Variants in DSCAML1 observed in about 807,000 individuals in gnomAD.
DSCAML1 encodes the protein cell adhesion molecule DSCAML1.
In DSCAML1, 38 loss-of-function variants were observed where a neutral mutation model predicts 200.5. The ratio of observed to expected loss-of-function variants is 0.19; its 90% CI spans 0.15 to 0.25. The LOEUF (loss-of-function observed/expected upper bound fraction) is 0.25, where lower values mean the gene tolerates loss of function less well. DSCAML1 is among the 10% of genes least tolerant of loss of function. The pLI is 1.00. For missense variants in DSCAML1, 2,223 were observed against 2,858.8 expected (o/e 0.78, Z 5.07); for synonymous variants, 1,215 against 1,165.0 (o/e 1.04, Z -0.87).
In DSCAML1 at chr11:117,504,742, C is replaced by A. The variant is rs2049460145; in HGVS notation, c.2182+182G>T. ...TGATGGCTGTTCCTGGTCCACAGAC[C>A]CCCGGGGGTGGCTGAGGATGACTCC... On this transcript the variant is annotated intron_variant, in intron 10 of 32. Transcript: ENST00000651296. The surrounding 1 kb of genome is among the most constrained non-coding windows in gnomAD (Gnocchi z 5.0). 6.6e-6 allele frequency among the ~76,000 whole-genome samples: 1 copy of A among 151,978 alleles called. No individual in the cohort carries two copies. Among genetic ancestry groups the A allele is most frequent in the South Asian group, 2.1e-4 (1 of 4,826 alleles).
intron 19 of DSCAML1, among the ~76,000 whole-genome samples, chr11:117,452,739 T>G (rs2048304556): frequency 6.6e-6 from 1 of 152,204 alleles, no homozygotes; most frequent in Non-Finnish European, 1.5e-5. Context: ...TATTCTATTT[T>G]CCTCCCTCTA....
chr11:117,507,050 C>A (rs1419707035), intron 8 of DSCAML1, among the ~76,000 whole-genome samples: 1 of 152,064 alleles, frequency 6.6e-6, no homozygotes, highest in Non-Finnish European at 1.5e-5. Flanking sequence ...CTGTCTGGAG[C>A]CTGAGTCGAT....
At chr11:117,726,271 GTGTGTGTGTGTGTGTGTGTGTA>G in intron 3 of DSCAML1, among the ~76,000 whole-genome samples, 1 of 151,446 alleles carries the variant, frequency 6.6e-6, no homozygotes, top group Non-Finnish European at 1.5e-5. Flanking sequence ...GTGTGCGTGT[GTGTGTGTGTGTGTGTGTGTGTA>G]TGTGACTGGA....
rs1241980504 is a variant in DSCAML1 at position 117,569,431 on chromosome 11, TATTTCATA to T, written c.512-36917_512-36910del. On this transcript the variant is annotated intron_variant, in intron 3 of 32. Coordinates refer to ENST00000651296, the MANE Select transcript of DSCAML1 (RefSeq NM_020693.4). ...TGTTTTTGTAGAGATGGGATTTTTG[TATTTCATA>T]GAGATGGGATTTTTGTATTTTGTGT... Among the ~76,000 whole-genome samples, 10 of 152,334 alleles carry T rather than the reference TATTTCATA, an allele frequency of 6.6e-5. No homozygotes were observed. In the South Asian group the frequency reaches 1.9e-3, roughly 28 times the overall value.
intron 3 of DSCAML1, among the ~76,000 whole-genome samples, chr11:117,559,808 G>A (rs2050627658): frequency 6.6e-6 from 1 of 152,130 alleles, no homozygotes; most frequent in African/African-American, 2.4e-5. Context: ...CCTCGCCCAG[G>A]GCACGGAAGC....
At chr11:117,805,884 G>A (rs1454528393) in intron 1 of DSCAML1, among the ~76,000 whole-genome samples, 1 of 152,222 alleles carries the variant, frequency 6.6e-6, no homozygotes, top group East Asian at 1.9e-4. Flanking sequence ...GCAGGTCAGA[G>A]TGTGAAGGGA....
chr11:117,808,566 G>C (rs80232844), intron 1 of DSCAML1, among the ~76,000 whole-genome samples: 1 of 152,186 alleles, frequency 6.6e-6, no homozygotes, highest in East Asian at 1.9e-4. Flanking sequence ...TGTATTTTCT[G>C]TTTCCCAGTA....
intron 3 of DSCAML1, among the ~76,000 whole-genome samples, chr11:117,633,298 C>T (rs1232054320): frequency 6.6e-6 from 1 of 152,200 alleles, no homozygotes. Flanking sequence ...CTCGCCACAC[C>T]TTGGCCAGCC....
intron 3 of DSCAML1, among the ~76,000 whole-genome samples, chr11:117,615,339 T>C (rs2051790640): frequency 6.6e-6 from 1 of 152,222 alleles, no homozygotes; most frequent in South Asian, 2.1e-4. Context: ...CTCTATCACA[T>C]CCTGAGGTCC....
chr11:117,486,653 C>A (rs1291817944), intron 11 of DSCAML1, among the ~76,000 whole-genome samples: 9 of 152,154 alleles, frequency 5.9e-5, no homozygotes, highest in Admixed American at 5.9e-4. Flanking sequence ...GTCTGTTACT[C>A]CTACAAGTTC....
chr11:117,650,700 T>TGTGCGC lies in DSCAML1; in HGVS notation c.512-118179_512-118178insGCGCAC, dbSNP rs147584706. On this transcript the variant is annotated intron_variant, in intron 3 of 32. Transcript: ENST00000651296. ...GTGTGTGTGTGTGTGTGTGTGTGTG[T>TGTGCGC]GCGTGTGTGTGTGTGGTGGGGATTG... Among the ~76,000 whole-genome samples the TGTGCGC allele has an allele frequency of 8.7e-3, 1,288 of 147,384 alleles. 15 individuals are homozygous for TGTGCGC. The highest frequency in any genetic ancestry group is 0.022 in the South Asian group (101 of 4,602).
At chr11:117,589,857 C>T (rs2051223700) in intron 3 of DSCAML1, among the ~76,000 whole-genome samples, 1 of 152,106 alleles carries the variant, frequency 6.6e-6, no homozygotes, top group African/African-American at 2.4e-5. Flanking sequence ...ATAGATAGCC[C>T]CATGGTACAG....
chr11:117,705,599 A>G (rs1337192858), intron 3 of DSCAML1, among the ~76,000 whole-genome samples: 1 of 152,194 alleles, frequency 6.6e-6, no homozygotes, highest in Non-Finnish European at 1.5e-5. Context: ...ATTGAGGCTC[A>G]GAAAGAGAGA....
upstream of DSCAML1, among the ~76,000 whole-genome samples, chr11:117,797,597 C>T (rs143800076): frequency 6.6e-6 from 1 of 151,484 alleles, no homozygotes; most frequent in Admixed American, 6.6e-5. Flanking sequence ...CCGGCCCCCC[C>T]ACCCTCCCCA....
chr11:117,479,894 C>T (rs1172467109), intron 14 of DSCAML1, among the ~76,000 whole-genome samples: 1 of 152,164 alleles, frequency 6.6e-6, no homozygotes, highest in South Asian at 2.1e-4. Context: ...GTGATCCACT[C>T]GCGTCAGCCT....
At chr11:117,586,720 G>A (rs942201575) in intron 3 of DSCAML1, among the ~76,000 whole-genome samples, 1 of 152,198 alleles carries the variant, frequency 6.6e-6, no homozygotes, top group African/African-American at 2.4e-5. Flanking sequence ...GGCAGGGAGA[G>A]CCTTCAGGAC....
Position 117,505,456 on chromosome 11 carries a change from C to T in DSCAML1, c.2060G>A (p.Arg687His), listed in dbSNP as rs749803476. 1.5e-5 allele frequency: 24 copies of T among 1,609,442 alleles called. No homozygotes were observed. Among genetic ancestry groups the T allele is most frequent in the Middle Eastern group, 1.7e-4 (1 of 6,002 alleles). ...TVSRERQLIV[R>H]VPPRFVVQPN... The stretch of plus-strand genomic sequence containing the variant: ...GAGGCTGGCCTGTCCCTGCTCACCA[C>T]GCACGATGAGCTGGCGCTCCCGGCT... The change falls in exon 9 of 33, where the codon CGT becomes CAT. Residue 687 changes from arginine (R) to histidine (H), a missense_variant and splice_region_variant. Arg to His is a conservative substitution (Grantham distance 29, BLOSUM62 0). Around this residue, in one of 7 missense-constraint regions of DSCAML1, gnomAD observed 212 missense variants for 368.0 expected, o/e 0.58. Coordinates refer to ENST00000651296, the MANE Select transcript of DSCAML1 (RefSeq NM_020693.4). The surrounding 1 kb of genome is among the most constrained non-coding windows in gnomAD (Gnocchi z 6.7).
chr11:117,612,307 C>T (rs75500945), intron 3 of DSCAML1, among the ~76,000 whole-genome samples: 2,383 of 152,316 alleles, frequency 0.016, 30 homozygotes, highest in East Asian at 0.057. Flanking sequence ...GCATTATTCC[C>T]ACGCCGGAAC....
At chr11:117,756,523 T>C (rs540868228) in intron 3 of DSCAML1, among the ~76,000 whole-genome samples, 2 of 152,258 alleles carry the variant, frequency 1.3e-5, no homozygotes, top group South Asian at 2.1e-4. Context: ...GGGAAGGACA[T>C]GGGACATTTC....
Sources: gnomAD v4.1 joint callset for allele counts (sites outside exome capture counted in the v4.1 genomes callset) on GRCh38, gnomAD v4.1.1 for gene constraint, gnomAD v4.1.1 regional missense constraint, Gnocchi (gnomAD v3.1) non-coding constraint, MANE v1.5 for transcripts, NCBI Gene and HGNC (gene_info 2026-07-23, HGNC 2026-07-21) for gene names.